AKAP13: variants seen among roughly 807,000 people sequenced by gnomAD.
AKAP13 encodes the protein A-kinase anchor protein 13.
AKAP13 carries 80 observed loss-of-function variants against 264.5 expected under a neutral mutation model. That is an observed-to-expected ratio of 0.30 (90% CI 0.25 to 0.36). The LOEUF (loss-of-function observed/expected upper bound fraction) is 0.36, where lower values mean the gene tolerates loss of function less well. Ranked by LOEUF, AKAP13 falls within the 10% of genes least tolerant of loss-of-function variation. AKAP13 has a pLI of 1.00. For synonymous variants in AKAP13, 1,380 were observed against 1,250.2 expected (o/e 1.10, Z -2.19); for missense variants, 3,712 against 3,435.2 (o/e 1.08, Z -2.01).
chr15:85,509,362 G>A (rs964303895), intron 2 of AKAP13, among the ~76,000 whole-genome samples: 1 of 152,170 alleles, frequency 6.6e-6, no homozygotes, highest in African/African-American at 2.4e-5. Flanking sequence ...GCATATGCTT[G>A]CTTTGTAATG....
At chr15:85,675,615 G>C (rs549052181) in intron 14 of AKAP13, among the ~76,000 whole-genome samples, 2 of 152,296 alleles carry the variant, frequency 1.3e-5, no homozygotes, top group East Asian at 3.9e-4. Flanking sequence ...TTACAGATGA[G>C]AGCAAGTGAA....
At chr15:85,721,700 C>T (rs2087295070) in intron 23 of AKAP13, among the ~76,000 whole-genome samples, 1 of 152,234 alleles carries the variant, frequency 6.6e-6, no homozygotes, top group African/African-American at 2.4e-5. Flanking sequence ...ATACATTTTG[C>T]ATTTTCCGTG....
intron 23 of AKAP13, 39 bp from the exon 24 acceptor site, chr15:85,721,952 G>A: frequency 6.2e-7 from 1 of 1,610,306 alleles, no homozygotes; most frequent in Non-Finnish European, 8.5e-7. Context: ...TATGAGTTTG[G>A]CGCCCCATGG....
In AKAP13 at chr15:85,585,597, G is replaced by T. The variant is rs966535417; in HGVS notation, c.4040-105G>T. 8 of 1,503,940 alleles carry T rather than the reference G, an allele frequency of 5.3e-6. No individual in the cohort carries two copies. The South Asian group carries it at 8.5e-5, about 16-fold the overall frequency. The allele number at this position is 1,503,940 out of a possible 1,614,324, so 93.2% of individuals were successfully genotyped here. A position where few individuals can be genotyped will look rare whatever the true frequency, so the allele number is the denominator to read the frequency against. ...CAAAAGAATACTTTTCCATTTTAAC[G>T]CAAAAGCAAAACAAAACACATGAAA... is the stretch of plus-strand genomic sequence containing the variant. On this transcript the variant is annotated intron_variant, in intron 7 of 36. Transcript: ENST00000394518.
At chr15:85,498,199 G>GATATAGATATAGATATATATAT (rs1467895169) in intron 2 of AKAP13, among the ~76,000 whole-genome samples, 2 of 133,010 alleles carry the variant, frequency 1.5e-5, no homozygotes, top group South Asian at 3.4e-4. Context: ...AATGAAGTGA[G>GATATAGATATAGATATATATAT]ATATATATAT....
At chr15:85,669,356 C>T (rs1368305138) in intron 13 of AKAP13, among the ~76,000 whole-genome samples, 1 of 152,080 alleles carries the variant, frequency 6.6e-6, no homozygotes, top group African/African-American at 2.4e-5. Context: ...TTGATATTTC[C>T]AGTGAAATTA....
intron 6 of AKAP13, among the ~76,000 whole-genome samples, 159 bp from the exon 7 acceptor site, chr15:85,578,769 TAA>T (rs371421971): frequency 2.8e-3 from 421 of 152,240 alleles, no homozygotes; most frequent in Middle Eastern, 0.014. Flanking sequence ...ATATCAGAAA[TAA>T]GAGGAAATTT....
At chr15:85,399,161 AT>A (rs1274194100) in intron 1 of AKAP13, among the ~76,000 whole-genome samples, 1 of 152,148 alleles carries the variant, frequency 6.6e-6, no homozygotes, top group Non-Finnish European at 1.5e-5. Context: ...GACAGTTCCT[AT>A]TTACTATTTC....
intron 1 of AKAP13, among the ~76,000 whole-genome samples, chr15:85,392,763 C>G (rs2070931254): frequency 6.6e-6 from 1 of 152,174 alleles, no homozygotes; most frequent in Non-Finnish European, 1.5e-5. Flanking sequence ...AGCACATACT[C>G]TTCCCACCAG....
chr15:85,733,338 A>G (rs575089593), intron 30 of AKAP13, among the ~76,000 whole-genome samples: 1 of 148,416 alleles, frequency 6.7e-6, no homozygotes, highest in African/African-American at 2.6e-5. Flanking sequence ...AGAGACTGAT[A>G]ATAATTTGAT....
intron 16 of AKAP13, among the ~76,000 whole-genome samples, chr15:85,686,635 T>C (rs1395110428): frequency 2.0e-5 from 3 of 151,804 alleles, no homozygotes; most frequent in East Asian, 3.9e-4. Context: ...GGTCAAAGAA[T>C]ACTGCTTTAC....
intron 8 of AKAP13, among the ~76,000 whole-genome samples, chr15:85,597,857 A>G (rs2079887978): frequency 2.0e-5 from 3 of 152,102 alleles, no homozygotes; most frequent in Non-Finnish European, 4.4e-5. Flanking sequence ...AATCACTGTG[A>G]AATCCAGGTT....
Position 85,707,803 on chromosome 15 carries a change from A to AG in AKAP13, c.5465-216_5465-215insG, listed in dbSNP as rs1378251542. ...CTCCAAATAAAGACACAAACACCGA[A>AG]AAAAAAAAAATCACATCTGCTCGTG... On this transcript the variant is annotated intron_variant, in intron 17 of 36. Coordinates refer to ENST00000394518, the MANE Select transcript of AKAP13 (RefSeq NM_007200.5). Among the ~76,000 whole-genome samples, 4 of 148,538 alleles carry AG rather than the reference A, an allele frequency of 2.7e-5. No homozygotes were observed. In the Admixed American group the frequency reaches 2.7e-4, roughly 10 times the overall value.
At chr15:85,742,752 G>A (rs990160476) in intron 35 of AKAP13, among the ~76,000 whole-genome samples, 2 of 152,234 alleles carry the variant, frequency 1.3e-5, no homozygotes, top group Non-Finnish European at 2.9e-5. Context: ...AGATCTGCCT[G>A]TGTTTTGAAA....
intron 14 of AKAP13, among the ~76,000 whole-genome samples, chr15:85,675,289 G>T (rs1479104011): frequency 1.3e-5 from 2 of 152,180 alleles, no homozygotes; most frequent in Non-Finnish European, 2.9e-5. Context: ...TTTTGCACAA[G>T]ACTCTGCCTG....
At chr15:85,600,271 G>T (rs1275831360) in intron 8 of AKAP13, among the ~76,000 whole-genome samples, 2 of 150,350 alleles carry the variant, frequency 1.3e-5, no homozygotes, top group East Asian at 3.9e-4. Context: ...ACTTCTTGTG[G>T]TGTATCACCC....
In AKAP13 at chr15:85,521,498, T is replaced by G; in HGVS notation, c.104T>G (p.Val35Gly). Residue 35 changes from valine to glycine, a missense_variant, in exon 3 of 37, where the codon GTA becomes GGA. By Grantham distance (109) the Val-to-Gly change is moderately radical (BLOSUM62 -3). Transcript: ENST00000394518. ...KAEDDVVFYL[V>G]FLGSTLRHCT... ...GAAGATGATGTAGTGTTTTACTTGGTATTTTTGGGTTCCACCCTCCGTCAC... is the reference window on the plus strand; with the variant it reads ...GAAGATGATGTAGTGTTTTACTTGGGATTTTTGGGTTCCACCCTCCGTCAC... 6.2e-7 allele frequency: 1 copy of G among 1,614,192 alleles called. No individual in the cohort carries two copies. Among genetic ancestry groups the G allele is most frequent in the Non-Finnish European group, 8.5e-7 (1 of 1,180,024 alleles).
At chr15:85,534,851 TA>T (rs1203137445) in intron 4 of AKAP13, 1 of 152,222 alleles carries the variant, frequency 6.6e-6, no homozygotes, top group South Asian at 2.1e-4. Flanking sequence ...ATTGTATAGA[TA>T]TTTTTTAATG....
chr15:85,612,036 G>A (rs2080654858), intron 8 of AKAP13, among the ~76,000 whole-genome samples: 1 of 152,192 alleles, frequency 6.6e-6, no homozygotes, highest in African/African-American at 2.4e-5. Flanking sequence ...AAGCGTACAT[G>A]TTTAATAAAT....
Sources: allele counts gnomAD v4.1 joint callset (sites outside exome capture counted in the v4.1 genomes callset), GRCh38; gene constraint gnomAD v4.1.1; transcripts MANE v1.5; gene names NCBI Gene and HGNC (gene_info 2026-07-23, HGNC 2026-07-21).